The following TNIK variants were observed in gnomAD, a reference collection of about 807,000 sequenced individuals.
The protein encoded by TNIK is TRAF2 and NCK interacting kinase.
In TNIK, 49 loss-of-function variants were observed where a neutral mutation model predicts 191.3. That is an observed-to-expected ratio of 0.26 (90% confidence interval 0.20 to 0.32). The LOEUF is 0.32. Among genes scored for constraint, TNIK ranks in the 10% least tolerant of loss-of-function variants. The probability of loss-of-function intolerance (pLI) is 1.00; values close to 1 mark genes in which losing one functional copy is unlikely to be tolerated. For missense variants in TNIK, 1,155 were observed against 1,702.3 expected (o/e 0.68, Z 5.66); for synonymous variants, 594 against 600.9 (o/e 0.99, Z 0.17).
At chr3:171,286,480 C>G (rs1316428218) in intron 2 of TNIK, among the ~76,000 whole-genome samples, 1 of 152,084 alleles carries the variant, frequency 6.6e-6, no homozygotes, top group Admixed American at 6.5e-5. Context: ...ACTAAAAATA[C>G]AAAAATTAGC....
chr3:171,271,042 A>G (rs1749028078), intron 2 of TNIK, among the ~76,000 whole-genome samples: 3 of 152,186 alleles, frequency 2.0e-5, no homozygotes, highest in Admixed American at 1.3e-4. Flanking sequence ...CTCACTCTGC[A>G]TCCTCTGAGT....
At chr3:171,434,309 T>C (rs1466594636) in intron 1 of TNIK, among the ~76,000 whole-genome samples, 1 of 152,182 alleles carries the variant, frequency 6.6e-6, no homozygotes, top group African/African-American at 2.4e-5. Context: ...TTGATTTGGG[T>C]ATATTTATTT....
chr3:171,196,685 TA>T (rs551177788), intron 4 of TNIK, among the ~76,000 whole-genome samples: 33 of 152,230 alleles, frequency 2.2e-4, no homozygotes, highest in African/African-American at 7.7e-4. Flanking sequence ...TTAATTTTTT[TA>T]AAAAAAGATA....
At chr3:171,218,870 A>ATATAAATG (rs900030912) in intron 3 of TNIK, among the ~76,000 whole-genome samples, 1 of 133,270 alleles carries the variant, frequency 7.5e-6, no homozygotes, top group Non-Finnish European at 1.6e-5. Context: ...TAATATAAAT[A>ATATAAATG]TATTTTATTT....
intron 2 of TNIK, among the ~76,000 whole-genome samples, chr3:171,258,830 A>G (rs1268348349): frequency 2.6e-5 from 4 of 152,188 alleles, no homozygotes; most frequent in East Asian, 1.9e-4. Context: ...AGACAATTCA[A>G]TGATGATAAT....
intron 2 of TNIK, among the ~76,000 whole-genome samples, chr3:171,300,660 TC>T (rs1450328459): frequency 2.6e-5 from 4 of 152,152 alleles, no homozygotes; most frequent in Non-Finnish European, 5.9e-5. Flanking sequence ...GAGGGAAATA[TC>T]CTAATGTTCT....
At chr3:171,425,517 G>A (rs1244352698) in intron 1 of TNIK, among the ~76,000 whole-genome samples, 1 of 152,028 alleles carries the variant, frequency 6.6e-6, no homozygotes, top group Non-Finnish European at 1.5e-5. Context: ...GAACAATGTG[G>A]ATTCTATTTG....
At chr3:171,334,149 C>T (rs998661743) in intron 2 of TNIK, among the ~76,000 whole-genome samples, 1 of 152,192 alleles carries the variant, frequency 6.6e-6, no homozygotes, top group Non-Finnish European at 1.5e-5. Context: ...CACCAGGGTG[C>T]TTGTCCTAGA....
At chr3:171,180,288 C>G (rs1736483232) in intron 7 of TNIK, among the ~76,000 whole-genome samples, 1 of 152,168 alleles carries the variant, frequency 6.6e-6, no homozygotes, top group Admixed American at 6.5e-5. Flanking sequence ...CTGCTCAACC[C>G]CTGTGTTCTC....
intron 2 of TNIK, among the ~76,000 whole-genome samples, chr3:171,290,435 T>A (rs1751556118): frequency 6.6e-6 from 1 of 152,182 alleles, no homozygotes; most frequent in East Asian, 1.9e-4. Flanking sequence ...TTGACTCTAT[T>A]TTGAGTATTA....
chr3:171,182,791 T>A (rs1249047975), intron 7 of TNIK, among the ~76,000 whole-genome samples: 2 of 152,102 alleles, frequency 1.3e-5, no homozygotes, highest in South Asian at 4.1e-4. Flanking sequence ...CACAGAAGAA[T>A]GAGAGGCTGT....
chr3:171,101,409 A>T, intron 22 of TNIK, 40 bp downstream of exon 22: 1 of 1,549,596 alleles, frequency 6.5e-7, no homozygotes, highest in Non-Finnish European at 8.7e-7. Flanking sequence ...TTGGAAACCT[A>T]GTCCCCTCCC....
At chr3:171,387,390 A>T (rs990570796) in intron 1 of TNIK, among the ~76,000 whole-genome samples, 1 of 152,176 alleles carries the variant, frequency 6.6e-6, no homozygotes, top group Non-Finnish European at 1.5e-5. Flanking sequence ...TGTCTCCTAC[A>T]TTGAGATACC....
At chr3:171,272,963 G>C (rs1577317760) in intron 2 of TNIK, among the ~76,000 whole-genome samples, 2 of 152,228 alleles carry the variant, frequency 1.3e-5, no homozygotes, top group Admixed American at 1.3e-4. Context: ...AGTCTTCACA[G>C]ATTGGCTTTG....
At position 171,071,276 on chromosome 3, in the gene TNIK, C is replaced by A; in HGVS notation, c.3496G>T (p.Val1166Leu). Residue 1166 changes from valine (V) to leucine (L), a missense_variant, in exon 29 of 33, where the codon GTG (valine) becomes TTG (leucine). Transcript: ENST00000436636. Reference protein sequence around the residue: ...KFLVIALKNAVEIYAWAPKPY... With the variant: ...KFLVIALKNALEIYAWAPKPY... ...TTAGGAGCCCAAGCATATATTTCCA[C>A]AGCATTCTTTAAGGCAATCACCAAA... The A allele has an allele frequency of 6.2e-7, 1 of 1,606,012 alleles. No individual in the cohort carries two copies. Among genetic ancestry groups the A allele is most frequent in the Non-Finnish European group, 8.5e-7 (1 of 1,176,402 alleles).
intron 22 of TNIK, 22 bp downstream of exon 22, chr3:171,101,427 A>G (rs1723541992): frequency 6.3e-7 from 1 of 1,577,962 alleles, no homozygotes; most frequent in South Asian, 1.2e-5. Context: ...CCCGGTCTAC[A>G]CTTTAAAAGT....
chr3:171,401,795 C>A (rs1322796532), intron 1 of TNIK, among the ~76,000 whole-genome samples: 2 of 152,164 alleles, frequency 1.3e-5, no homozygotes, highest in African/African-American at 4.8e-5. Context: ...AATTTAATAT[C>A]AACCTCATAG....
Position 171,431,293 on chromosome 3 carries a change from T to C in TNIK, c.57+28714A>G, listed in dbSNP as rs370110518. On this transcript the variant is annotated intron_variant, in intron 1 of 32. Coordinates refer to ENST00000436636, the MANE Select transcript of TNIK (RefSeq NM_015028.4). The stretch of plus-strand genomic sequence containing the variant: ...CATGTCTATTGCAAACAGAATACAG[T>C]GGTAGCTGCTATGATAGATCTTGAC... 2.2e-3 allele frequency among the ~76,000 whole-genome samples: 335 copies of C among 152,238 alleles called. 2 individuals carry two copies. The highest frequency in any genetic ancestry group is 7.6e-3 in the African/African-American group (314 of 41,540).
intron 2 of TNIK, among the ~76,000 whole-genome samples, chr3:171,289,940 G>A (rs371992030): frequency 3.3e-5 from 5 of 151,122 alleles, no homozygotes; most frequent in Admixed American, 1.3e-4. Flanking sequence ...GAAAGGCCTC[G>A]GTTTAGGTCT....
Sources: allele counts gnomAD v4.1 joint callset (sites outside exome capture counted in the v4.1 genomes callset), GRCh38; gene constraint gnomAD v4.1.1; transcripts MANE v1.5; gene names NCBI Gene and HGNC (gene_info 2026-07-23, HGNC 2026-07-21).